Variants in PRKAR2B observed in about 807,000 individuals in gnomAD.
PRKAR2B encodes protein kinase cAMP-dependent type II regulatory subunit beta.
In PRKAR2B, 14 loss-of-function variants were observed where a neutral mutation model predicts 49.9. The ratio of observed to expected loss-of-function variants is 0.28; its 90% CI spans 0.19 to 0.44. The LOEUF (loss-of-function observed/expected upper bound fraction) is 0.44. Ranked by LOEUF, PRKAR2B falls within the 20% of genes least tolerant of loss-of-function variation. PRKAR2B has a pLI of 1.00. For synonymous variants in PRKAR2B, 196 were observed against 197.7 expected, an observed-to-expected ratio of 0.99 and a Z score of 0.07; for missense variants, 393 against 537.9, an observed-to-expected ratio of 0.73 and a Z score of 2.67.
chr7:107,046,928 C>T (rs1793710467), intron 1 of PRKAR2B, among the ~76,000 whole-genome samples: 1 of 152,006 alleles, frequency 6.6e-6, no homozygotes, highest in South Asian at 2.1e-4. Context: ...TTGATGATTG[C>T]ATTTTCTCCT....
chr7:107,120,074 C>G (rs1408375570), intron 2 of PRKAR2B, among the ~76,000 whole-genome samples: 1 of 152,156 alleles, frequency 6.6e-6, no homozygotes, highest in Non-Finnish European at 1.5e-5. Context: ...CCTAGTCTTT[C>G]ATCTGTCAAG....
intron 2 of PRKAR2B, among the ~76,000 whole-genome samples, chr7:107,108,852 T>C (rs1795122668): frequency 6.6e-6 from 1 of 152,130 alleles, no homozygotes; most frequent in Non-Finnish European, 1.5e-5. Context: ...ACCCCAGAAT[T>C]GGGGCTCACC....
intron 7 of PRKAR2B, among the ~76,000 whole-genome samples, chr7:107,152,177 T>C (rs1043598832): frequency 6.6e-6 from 1 of 152,194 alleles, no homozygotes; most frequent in Admixed American, 6.5e-5. Flanking sequence ...TGCAGAGTCA[T>C]CTTTTAAAAT....
chr7:107,057,209 C>T lies in PRKAR2B; in HGVS notation c.307+11995C>T, dbSNP rs183086902. On this transcript the variant is annotated intron_variant, in intron 1 of 10. Transcript: ENST00000265717. Reference sequence around the variant, plus strand: ...TCCAGTTTTTCCTCTAGCTCCAGCACAGACCTGTCTCTTTAAGATTGAAAT... The same window carrying T: ...TCCAGTTTTTCCTCTAGCTCCAGCATAGACCTGTCTCTTTAAGATTGAAAT... 5.9e-5 allele frequency among the ~76,000 whole-genome samples: 9 copies of T among 152,338 alleles called. No individual in the cohort carries two copies. In the East Asian group the frequency reaches 1.5e-3, roughly 26 times the overall value.
In PRKAR2B at chr7:107,053,619, G is replaced by A. The variant is rs139794126; in HGVS notation, c.307+8405G>A. Among the ~76,000 whole-genome samples, 358 of 151,484 alleles carry A rather than the reference G, an allele frequency of 2.4e-3. 3 individuals are homozygous for A. The highest frequency in any genetic ancestry group is 8.2e-3 in the African/African-American group (337 of 41,258). ...TAAGTTAATTGACTCAACAGAAGTT[G>A]GCAGAATACAGAGGAAAATTCTATC... On this transcript the variant is annotated intron_variant, in intron 1 of 10. Coordinates refer to ENST00000265717, the MANE Select transcript of PRKAR2B (RefSeq NM_002736.3).
intron 2 of PRKAR2B, among the ~76,000 whole-genome samples, chr7:107,108,279 A>G (rs1795114280): frequency 6.6e-6 from 1 of 152,214 alleles, no homozygotes; most frequent in Non-Finnish European, 1.5e-5. Context: ...AGGATTCAAA[A>G]CAGACTAGGA....
chr7:107,122,069 C>T (rs1795398445), intron 3 of PRKAR2B, 65 bp downstream of exon 3: 1 of 1,131,258 alleles, frequency 8.8e-7, no homozygotes, highest in South Asian at 1.5e-5. Flanking sequence ...GGAAAATAAT[C>T]ATAGAAAAGA....
intron 2 of PRKAR2B, among the ~76,000 whole-genome samples, chr7:107,086,732 G>T (rs1233749561): frequency 6.6e-6 from 1 of 152,042 alleles, no homozygotes; most frequent in African/African-American, 2.4e-5. Context: ...CAGAGTGCTG[G>T]GATTAGGCAT....
At chr7:107,067,277 G>A (rs1217216177) in intron 1 of PRKAR2B, 1 of 152,142 alleles carries the variant, frequency 6.6e-6, no homozygotes, top group African/African-American at 2.4e-5. Flanking sequence ...AATGATGAAG[G>A]TGACCGTTAA....
chr7:107,047,517 C>G (rs1793721289), intron 1 of PRKAR2B, among the ~76,000 whole-genome samples: 1 of 150,764 alleles, frequency 6.6e-6, no homozygotes, highest in Non-Finnish European at 1.5e-5. Context: ...CCATAGCTTG[C>G]CGACCCCTGG....
At chr7:107,132,497 G>A (rs559414068) in intron 4 of PRKAR2B, among the ~76,000 whole-genome samples, 5 of 152,178 alleles carry the variant, frequency 3.3e-5, no homozygotes, top group Admixed American at 1.3e-4. Flanking sequence ...GTAAGAAAAC[G>A]AGGTCATGAT....
At position 107,098,111 on chromosome 7, in the gene PRKAR2B, A is replaced by G. The variant is rs183630390; in HGVS notation, c.344-23841A>G. 1.2e-3 allele frequency among the ~76,000 whole-genome samples: 177 copies of G among 152,356 alleles called. 1 individual carries two copies. Among genetic ancestry groups the G allele is most frequent in the African/African-American group, 4.1e-3 (170 of 41,588 alleles). Reference sequence around the variant, plus strand: ...ATAATATCCTGAAGAGTGTTTTCCAACTTGGTTCCTTTCTCCCCGTCACTT... The same window carrying G: ...ATAATATCCTGAAGAGTGTTTTCCAGCTTGGTTCCTTTCTCCCCGTCACTT... On this transcript the variant is annotated intron_variant, in intron 2 of 10. Coordinates refer to ENST00000265717, the MANE Select transcript of PRKAR2B (RefSeq NM_002736.3).
chr7:107,095,343 C>CA (rs1794815536), intron 2 of PRKAR2B, among the ~76,000 whole-genome samples: 1 of 152,138 alleles, frequency 6.6e-6, no homozygotes, highest in African/African-American at 2.4e-5. Context: ...GATTTTTGCA[C>CA]ATTGATTTTG....
At chr7:107,103,325 G>A (rs886768604) in intron 2 of PRKAR2B, among the ~76,000 whole-genome samples, 2 of 152,246 alleles carry the variant, frequency 1.3e-5, no homozygotes, top group East Asian at 3.9e-4. Flanking sequence ...TTGAGCCAAC[G>A]TCTACCTCAC....
chr7:107,092,465 A>G (rs1584423203), intron 2 of PRKAR2B, among the ~76,000 whole-genome samples: 1 of 152,138 alleles, frequency 6.6e-6, no homozygotes, highest in South Asian at 2.1e-4. Flanking sequence ...TAAGGATTAA[A>G]CACTCTTATT....
intron 8 of PRKAR2B, among the ~76,000 whole-genome samples, chr7:107,155,858 A>G (rs1466090929): frequency 1.3e-5 from 2 of 152,194 alleles, no homozygotes; most frequent in Non-Finnish European, 1.5e-5. Context: ...AACCAACCCA[A>G]ATGCCCATCA....
At chr7:107,048,129 G>T (rs1407337083) in intron 1 of PRKAR2B, among the ~76,000 whole-genome samples, 1 of 152,160 alleles carries the variant, frequency 6.6e-6, no homozygotes, top group Non-Finnish European at 1.5e-5. Context: ...CTTCATCCCT[G>T]TGCTCTTGAC....
intron 2 of PRKAR2B, among the ~76,000 whole-genome samples, chr7:107,113,838 CTGTTCCATTG>C (rs1377104437): frequency 6.6e-6 from 1 of 152,170 alleles, no homozygotes; most frequent in African/African-American, 2.4e-5. Flanking sequence ...GAGGGGACCA[CTGTTCCATTG>C]TGAAAGAGTG....
intron 2 of PRKAR2B, among the ~76,000 whole-genome samples, chr7:107,105,557 G>A (rs1409397243): frequency 6.6e-6 from 1 of 152,216 alleles, no homozygotes; most frequent in East Asian, 1.9e-4. Context: ...CCCTTGTCTA[G>A]TAAGAACTCA....
Sources: allele counts gnomAD v4.1 joint callset (sites outside exome capture counted in the v4.1 genomes callset), GRCh38; gene constraint gnomAD v4.1.1; transcripts MANE v1.5; gene names NCBI Gene and HGNC (gene_info 2026-07-23, HGNC 2026-07-21).